CCDC91: variants seen among roughly 807,000 people sequenced by gnomAD.
CCDC91 encodes coiled-coil domain-containing protein 91.
A neutral mutation model predicts 63.2 loss-of-function variants in CCDC91; 48 were observed. The ratio of observed to expected loss-of-function variants is 0.76; its 90% CI spans 0.60 to 0.97. The LOEUF is 0.97. CCDC91 is among the 50% of genes least tolerant of loss of function. The pLI is 0.00. For synonymous variants in CCDC91, 167 were observed against 165.8 expected (o/e 1.01, Z -0.06); for missense variants, 500 against 494.6 (o/e 1.01, Z -0.10).
chr12:28,338,189 A>G (rs1317801627), intron 6 of CCDC91, among the ~76,000 whole-genome samples: 1 of 152,016 alleles, frequency 6.6e-6, no homozygotes, highest in Non-Finnish European at 1.5e-5. Context: ...GTGGTAATGG[A>G]AGGCCCCTCT....
intron 1 of CCDC91, among the ~76,000 whole-genome samples, chr12:28,200,511 A>G (rs1320851161): frequency 1.4e-5 from 2 of 145,758 alleles, no homozygotes; most frequent in Admixed American, 1.4e-4. Flanking sequence ...GCCTTCAAGC[A>G]TCTGTTTAAC....
chr12:28,397,983 A>C (rs1201492418), intron 8 of CCDC91, among the ~76,000 whole-genome samples: 1 of 152,162 alleles, frequency 6.6e-6, no homozygotes, highest in East Asian at 1.9e-4. Flanking sequence ...ATTGAGTGCT[A>C]GAATATAAAT....
intron 12 of CCDC91, among the ~76,000 whole-genome samples, chr12:28,515,111 GA>G: frequency 6.6e-6 from 1 of 151,490 alleles, no homozygotes; most frequent in African/African-American, 2.4e-5. Flanking sequence ...CCACCCCCAA[GA>G]AAAAAAGAAA....
intron 3 of CCDC91, among the ~76,000 whole-genome samples, chr12:28,266,433 T>C (rs1947192195): frequency 6.6e-6 from 1 of 152,026 alleles, no homozygotes; most frequent in South Asian, 2.1e-4. Context: ...CTGGTCATAG[T>C]GTCTGTAACA....
rs1939105772 is a variant in CCDC91, at chr12:28,509,299, A to G, written c.1215+25134A>G. Among the ~76,000 whole-genome samples, 5 of 151,918 alleles carry G rather than the reference A, an allele frequency of 3.3e-5. No homozygotes were observed. The South Asian group carries it at 1.0e-3, about 31-fold the overall frequency. On this transcript the variant is annotated intron_variant, in intron 12 of 12. Coordinates refer to ENST00000536442, the MANE Select transcript of CCDC91 (RefSeq NM_018318.5). Reference sequence around the variant, plus strand: ...ACATGTTGGCTAGGTCCTACAGTTCATTTGATATATACTGCCTTTCTAAGC... The same window carrying G: ...ACATGTTGGCTAGGTCCTACAGTTCGTTTGATATATACTGCCTTTCTAAGC...
At chr12:28,364,885 G>A (rs948379897) in intron 7 of CCDC91, among the ~76,000 whole-genome samples, 20 of 152,156 alleles carry the variant, frequency 1.3e-4, no homozygotes, top group African/African-American at 4.6e-4. Flanking sequence ...CTGATTCTCA[G>A]CATATTTTAG....
At chr12:28,210,546 C>T (rs901112697) in intron 1 of CCDC91, among the ~76,000 whole-genome samples, 2 of 152,036 alleles carry the variant, frequency 1.3e-5, no homozygotes, top group African/African-American at 4.8e-5. Context: ...AGAACAGGGC[C>T]AGGAAAGGGT....
Position 28,446,190 on chromosome 12 carries a change from T to A in CCDC91, c.763-3971T>A, listed in dbSNP as rs565038133. On this transcript the variant is annotated intron_variant, in intron 8 of 12. Transcript: ENST00000536442. ...TAGCACCACTTAAGAGACTGGAGAA[T>A]TTTTTTCTAAGCAAAAAGACTGGCT... Among the ~76,000 whole-genome samples, 3 of 152,216 alleles carry A rather than the reference T, an allele frequency of 2.0e-5. No individual in the cohort carries two copies. In the South Asian group the frequency reaches 6.2e-4, roughly 32 times the overall value.
Position 28,341,691 on chromosome 12 carries a change from A to C in CCDC91, c.577-20747A>C, listed in dbSNP as rs1434365095. 3.3e-5 allele frequency among the ~76,000 whole-genome samples: 5 copies of C among 151,664 alleles called. No homozygotes were observed. In the South Asian group the frequency reaches 8.3e-4, roughly 25 times the overall value. ...TAGTTCTGTGTAGATGTTTCCTGCT[A>C]TTATTTCATCATCCTCATTATTTCT... On this transcript the variant is annotated intron_variant, in intron 6 of 12. Transcript: ENST00000536442.
At chr12:28,430,010 C>G (rs1204046576) in intron 8 of CCDC91, among the ~76,000 whole-genome samples, 4 of 151,724 alleles carry the variant, frequency 2.6e-5, no homozygotes, top group Non-Finnish European at 5.9e-5. Flanking sequence ...TTTTTTCTAG[C>G]CTTCTAAATG....
chr12:28,494,683 A>G (rs1177819449), intron 12 of CCDC91, among the ~76,000 whole-genome samples: 3 of 151,746 alleles, frequency 2.0e-5, no homozygotes, highest in East Asian at 1.9e-4. Context: ...AATAATTTAT[A>G]TAACCCTAAG....
intron 1 of CCDC91, among the ~76,000 whole-genome samples, chr12:28,228,267 T>A (rs1376510936): frequency 6.6e-6 from 1 of 152,144 alleles, no homozygotes; most frequent in Non-Finnish European, 1.5e-5. Context: ...AACTGGCTTT[T>A]ACTTATTCAT....
At chr12:28,527,192 C>A (rs1941335873) in intron 12 of CCDC91, among the ~76,000 whole-genome samples, 1 of 151,854 alleles carries the variant, frequency 6.6e-6, no homozygotes, top group African/African-American at 2.4e-5. Flanking sequence ...TTGTTTTTTC[C>A]CATTACCAGG....
At chr12:28,215,483 T>C (rs937434270) in intron 1 of CCDC91, among the ~76,000 whole-genome samples, 3 of 152,146 alleles carry the variant, frequency 2.0e-5, no homozygotes. Flanking sequence ...GTGGTTGGCA[T>C]GATGTAATGT....
intron 3 of CCDC91, among the ~76,000 whole-genome samples, chr12:28,263,482 A>G (rs1410869948): frequency 6.6e-6 from 1 of 152,018 alleles, no homozygotes; most frequent in Non-Finnish European, 1.5e-5. Context: ...ACTTAGAATA[A>G]TGTTCTCAAG....
chr12:28,361,348 C>G (rs1210569225), intron 6 of CCDC91, among the ~76,000 whole-genome samples: 1 of 151,772 alleles, frequency 6.6e-6, no homozygotes, highest in African/African-American at 2.4e-5. Flanking sequence ...CACCCCACAA[C>G]AGTCCCCAGA....
intron 6 of CCDC91, among the ~76,000 whole-genome samples, chr12:28,319,109 AT>A (rs1940213196): frequency 6.6e-6 from 1 of 151,982 alleles, no homozygotes; most frequent in African/African-American, 2.4e-5. Flanking sequence ...TTTTTAAGGT[AT>A]TTAGAATTTG....
chr12:28,321,795 A>G (rs1940529021), intron 6 of CCDC91, among the ~76,000 whole-genome samples: 1 of 151,782 alleles, frequency 6.6e-6, no homozygotes, highest in Non-Finnish European at 1.5e-5. Flanking sequence ...AGTCTATGTT[A>G]TTTTGTTATA....
rs1942559119 is a variant in CCDC91 at position 28,343,152 on chromosome 12, AGAGT to A, written c.577-19282_577-19279del. 1.3e-5 allele frequency among the ~76,000 whole-genome samples: 2 copies of A among 150,974 alleles called. 1 individual carries two copies. The highest frequency in any genetic ancestry group is 4.2e-4 in the South Asian group (2 of 4,774). ...GAAATATGTTGAGAGAGACTGAAAT[AGAGT>A]GAGAGCAGGAGATATACACATACAT... On this transcript the variant is annotated intron_variant, in intron 6 of 12. Transcript: ENST00000536442.
Sources: allele counts gnomAD v4.1 joint callset (sites outside exome capture counted in the v4.1 genomes callset), GRCh38; gene constraint gnomAD v4.1.1; transcripts MANE v1.5; gene names NCBI Gene and HGNC (gene_info 2026-07-23, HGNC 2026-07-21).